Variants in GPR39 observed in about 807,000 individuals in gnomAD.
GPR39 encodes the protein zinc sensing receptor.
In GPR39, 23 loss-of-function variants were observed where a neutral mutation model predicts 18.4. The observed-to-expected ratio is 1.25, with a 90% CI of 0.90 to 1.77. The LOEUF (loss-of-function observed/expected upper bound fraction) is 1.77, where lower values mean the gene tolerates loss of function less well. Among genes scored for constraint, GPR39 ranks in the 40% most tolerant of loss-of-function variants. GPR39 has a pLI of 0.00. For missense variants in GPR39, 647 were observed against 602.4 expected (o/e 1.07, Z -0.78); for synonymous variants, 280 against 257.9 (o/e 1.09, Z -0.82).
chr2:132,499,311 AG>A (rs978538545), intron 1 of GPR39, among the ~76,000 whole-genome samples: 2 of 152,184 alleles, frequency 1.3e-5, no homozygotes, highest in African/African-American at 4.8e-5. Flanking sequence ...TTTGTTGAAT[AG>A]GGTGTCTTTT....
intron 1 of GPR39, among the ~76,000 whole-genome samples, chr2:132,512,913 A>G (rs1679266419): frequency 1.3e-5 from 2 of 152,174 alleles, no homozygotes; most frequent in Admixed American, 1.3e-4. Flanking sequence ...CTGCATAACA[A>G]CTACCCCAAA....
At chr2:132,543,537 A>G (rs533032418) in intron 1 of GPR39, among the ~76,000 whole-genome samples, 1 of 152,308 alleles carries the variant, frequency 6.6e-6, no homozygotes, top group East Asian at 1.9e-4. Flanking sequence ...AACCTGGGTG[A>G]TCACTGGAAC....
intron 1 of GPR39, among the ~76,000 whole-genome samples, chr2:132,570,966 C>A (rs1400169875): frequency 6.6e-6 from 1 of 152,184 alleles, no homozygotes; most frequent in African/African-American, 2.4e-5. Context: ...TGAATATTTA[C>A]GGCAGGCATC....
intron 1 of GPR39, among the ~76,000 whole-genome samples, chr2:132,621,514 A>G (rs568217907): frequency 2.6e-5 from 4 of 152,296 alleles, no homozygotes; most frequent in Non-Finnish European, 5.9e-5. Flanking sequence ...TTCTACCATC[A>G]GCACTGCCAG....
At chr2:132,636,481 T>G (rs1344054228) in intron 1 of GPR39, among the ~76,000 whole-genome samples, 1 of 152,212 alleles carries the variant, frequency 6.6e-6, no homozygotes, top group Non-Finnish European at 1.5e-5. Flanking sequence ...GAAATGCCCA[T>G]GCAGGAGAGA....
At chr2:132,619,733 G>A (rs1315409680) in intron 1 of GPR39, among the ~76,000 whole-genome samples, 1 of 151,864 alleles carries the variant, frequency 6.6e-6, no homozygotes, top group East Asian at 1.9e-4. Flanking sequence ...TAGGCAATTT[G>A]GTTTCAGATC....
chr2:132,480,809 T>G (rs1681219505), intron 1 of GPR39, among the ~76,000 whole-genome samples: 1 of 152,234 alleles, frequency 6.6e-6, no homozygotes, highest in African/African-American at 2.4e-5. Context: ...CTAAGAGCTG[T>G]TGGAAGCTCT....
At chr2:132,493,134 CCA>C (rs1681537984) in intron 1 of GPR39, among the ~76,000 whole-genome samples, 1 of 139,224 alleles carries the variant, frequency 7.2e-6, no homozygotes, top group South Asian at 2.3e-4. Context: ...CATATATATA[CCA>C]TATATATACA....
intron 1 of GPR39, among the ~76,000 whole-genome samples, chr2:132,492,028 A>ATATG (rs1681472585): frequency 6.8e-6 from 1 of 148,034 alleles, no homozygotes; most frequent in Non-Finnish European, 1.5e-5. Context: ...CAGCACATAT[A>ATATG]TATACACCAC....
At chr2:132,450,014 A>C (rs2104770162) in intron 1 of GPR39, among the ~76,000 whole-genome samples, 1 of 152,294 alleles carries the variant, frequency 6.6e-6, no homozygotes, top group South Asian at 2.1e-4. Flanking sequence ...GCCAGGCAGA[A>C]AGATTGATGG....
At chr2:132,542,356 T>C (rs975029047) in intron 1 of GPR39, among the ~76,000 whole-genome samples, 3 of 152,206 alleles carry the variant, frequency 2.0e-5, no homozygotes, top group Non-Finnish European at 4.4e-5. Context: ...CAAGCTTGGC[T>C]TCTGATCCCC....
At chr2:132,619,104 C>T (rs908718552) in intron 1 of GPR39, among the ~76,000 whole-genome samples, 65 of 152,208 alleles carry the variant, frequency 4.3e-4, no homozygotes, top group Admixed American at 7.8e-4. Context: ...TGCTGGGTTC[C>T]TGATGCAGGG....
At chr2:132,543,815 T>C (rs935052749) in intron 1 of GPR39, among the ~76,000 whole-genome samples, 5 of 152,152 alleles carry the variant, frequency 3.3e-5, no homozygotes, top group African/African-American at 9.7e-5. Context: ...GAAAAGAGCA[T>C]TTATTGCAGG....
chr2:132,609,951 C>G (rs557746470), intron 1 of GPR39, among the ~76,000 whole-genome samples: 105 of 152,178 alleles, frequency 6.9e-4, no homozygotes, highest in African/African-American at 2.4e-3. Context: ...TTTCCTAGTT[C>G]TGCAAAGCCT....
chr2:132,546,655 T>A (rs3109134), intron 1 of GPR39, among the ~76,000 whole-genome samples: 8 of 151,170 alleles, frequency 5.3e-5, no homozygotes, highest in Non-Finnish European at 1.2e-4. Flanking sequence ...TTTCTGATTA[T>A]GCCACATTCT....
chr2:132,417,778 A>T lies in GPR39; in HGVS notation c.736A>T (p.Met246Leu). The change falls in exon 1 of 2, where the codon ATG becomes TTG. Residue 246 changes from methionine (M) to leucine (L), a missense_variant. Transcript: ENST00000329321. ...CGTAGCCTTCATGTGCTGGAACATG[A>T]TGCAGGTGCTCATGAAAAGCCAGAA... ...LSVAFMCWNM[M>L]QVLMKSQKGS... 1 of 1,614,164 alleles carries T rather than the reference A, an allele frequency of 6.2e-7. No homozygotes were observed. The highest frequency in any genetic ancestry group is 8.5e-7 in the Non-Finnish European group (1 of 1,180,032).
At chr2:132,583,786 T>A (rs999447267) in intron 1 of GPR39, among the ~76,000 whole-genome samples, 2 of 151,112 alleles carry the variant, frequency 1.3e-5, no homozygotes. Context: ...TAGCAGTTAA[T>A]GTTCCTTGTC....
intron 1 of GPR39, among the ~76,000 whole-genome samples, chr2:132,486,157 A>C (rs1681333863): frequency 6.6e-6 from 1 of 152,230 alleles, no homozygotes; most frequent in African/African-American, 2.4e-5. Flanking sequence ...TTTTCTGAGC[A>C]GTAGTATCAA....
chr2:132,487,097 T>C (rs1022608116), intron 1 of GPR39, among the ~76,000 whole-genome samples: 2 of 152,096 alleles, frequency 1.3e-5, no homozygotes, highest in Non-Finnish European at 2.9e-5. Context: ...GGGAGAGAGA[T>C]GGGGGAATGG....
Sources: allele counts gnomAD v4.1 joint callset (sites outside exome capture counted in the v4.1 genomes callset), GRCh38; gene constraint gnomAD v4.1.1; transcripts MANE v1.5; gene names NCBI Gene and HGNC (gene_info 2026-07-23, HGNC 2026-07-21).